Variants in CNBD1 observed in about 807,000 individuals in gnomAD.
The protein encoded by CNBD1 is cyclic nucleotide binding domain containing 1.
Under a neutral mutation model 54.4 loss-of-function variants are expected in CNBD1, and 71 were observed. That is an observed-to-expected ratio of 1.30 (90% CI 1.08 to 1.59). CNBD1 has a LOEUF of 1.59. Ranked by LOEUF, CNBD1 falls within the 40% of genes most tolerant of loss-of-function variation. CNBD1 has a pLI of 0.00. For missense variants in CNBD1, 659 were observed against 518.0 expected (o/e 1.27, Z -2.64); for synonymous variants, 182 against 170.7 (o/e 1.07, Z -0.51).
chr8:87,277,805 C>T (rs1808514217), intron 6 of CNBD1, among the ~76,000 whole-genome samples: 1 of 151,632 alleles, frequency 6.6e-6, no homozygotes, highest in Admixed American at 6.6e-5. Context: ...CAATGGTTTT[C>T]ATACACAACA....
chr8:86,938,440 C>T (rs537210972), intron 3 of CNBD1, among the ~76,000 whole-genome samples: 6 of 151,708 alleles, frequency 4.0e-5, no homozygotes, highest in South Asian at 4.1e-4. Flanking sequence ...TAAAGACATA[C>T]CCAAAACTGG....
chr8:87,372,630 A>G (rs887013427), intron 10 of CNBD1, among the ~76,000 whole-genome samples: 1 of 151,824 alleles, frequency 6.6e-6, no homozygotes, highest in African/African-American at 2.4e-5. Flanking sequence ...ATCTAGTAAT[A>G]GCTTTTTTGT....
chr8:87,413,555 T>C (rs1028274915), intron 2 of CNBD1, among the ~76,000 whole-genome samples: 1 of 152,086 alleles, frequency 6.6e-6, no homozygotes, highest in Non-Finnish European at 1.5e-5. Flanking sequence ...CTTTTTTGTT[T>C]GTTTGGTTTT....
chr8:87,003,792 A>G (rs892472781), intron 4 of CNBD1, among the ~76,000 whole-genome samples: 20 of 152,190 alleles, frequency 1.3e-4, no homozygotes, highest in African/African-American at 3.9e-4. Context: ...GGCTGTGGTA[A>G]CAGTGGGCTG....
At chr8:87,076,057 A>G (rs1455705040) in intron 4 of CNBD1, among the ~76,000 whole-genome samples, 1 of 152,216 alleles carries the variant, frequency 6.6e-6, no homozygotes, top group Non-Finnish European at 1.5e-5. Context: ...TTACATATGA[A>G]GCAATTTCAA....
chr8:87,074,967 AT>A (rs1810837990), intron 4 of CNBD1, among the ~76,000 whole-genome samples: 1 of 152,154 alleles, frequency 6.6e-6, no homozygotes, highest in Admixed American at 6.5e-5. Context: ...GGCTCTTTCA[AT>A]TATTTAATCT....
At chr8:87,427,736 T>A (rs1482138325) in intron 2 of CNBD1, among the ~76,000 whole-genome samples, 1 of 152,178 alleles carries the variant, frequency 6.6e-6, no homozygotes, top group Non-Finnish European at 1.5e-5. Context: ...AACTCTTCAT[T>A]ATGTCAGCAA....
chr8:87,313,474 A>G (rs1809312811), intron 8 of CNBD1, among the ~76,000 whole-genome samples: 1 of 152,016 alleles, frequency 6.6e-6, no homozygotes, highest in African/African-American at 2.4e-5. Flanking sequence ...AGACAGTTTC[A>G]AAGAGAAGAA....
chr8:87,001,020 T>G (rs1304469390), intron 4 of CNBD1, among the ~76,000 whole-genome samples: 1 of 152,132 alleles, frequency 6.6e-6, no homozygotes, highest in Non-Finnish European at 1.5e-5. Flanking sequence ...TGAATATTTT[T>G]CCTCTTCCAT....
In CNBD1 at chr8:87,129,216, T is replaced by C. The variant is rs1227277669; in HGVS notation, c.432-76777T>C. Among the ~76,000 whole-genome samples, 3 of 152,004 alleles carry C rather than the reference T, an allele frequency of 2.0e-5. No homozygotes were observed. In the East Asian group the frequency reaches 5.8e-4, roughly 29 times the overall value. ...TGAAAATATTCCCTCCTTTTCAATG[T>C]CCTGAAATAATTTTAGTAAAATTAA... is the stretch of plus-strand genomic sequence containing the variant. On this transcript the variant is annotated intron_variant, in intron 4 of 10. Coordinates refer to ENST00000518476, the MANE Select transcript of CNBD1 (RefSeq NM_173538.3).
intron 4 of CNBD1, among the ~76,000 whole-genome samples, chr8:87,091,100 ACTACACTCCAGCCT>A (rs1811194538): frequency 6.7e-6 from 1 of 148,650 alleles, no homozygotes; most frequent in Non-Finnish European, 1.5e-5. Flanking sequence ...AGGTAGTGCT[ACTACACTCCAGCCT>A]GGGTGACAGA....
At chr8:87,401,174 C>T (rs1807557200) in intron 2 of CNBD1, among the ~76,000 whole-genome samples, 1 of 151,800 alleles carries the variant, frequency 6.6e-6, no homozygotes, top group Non-Finnish European at 1.5e-5. Context: ...CCAAATAAAC[C>T]CAAAGCAAAT....
intron 6 of CNBD1, among the ~76,000 whole-genome samples, chr8:87,249,068 A>G (rs1337738632): frequency 1.3e-5 from 2 of 152,140 alleles, no homozygotes; most frequent in African/African-American, 4.8e-5. Context: ...GTCTGCAAGC[A>G]ATTGATTTAT....
At chr8:87,144,079 C>T (rs1812432167) in intron 4 of CNBD1, among the ~76,000 whole-genome samples, 1 of 152,086 alleles carries the variant, frequency 6.6e-6, no homozygotes, top group South Asian at 2.1e-4. Context: ...AAGGAAAGTG[C>T]ATATTTCAGT....
intron 5 of CNBD1, among the ~76,000 whole-genome samples, chr8:87,231,955 A>G (rs1313877362): frequency 6.6e-6 from 1 of 152,046 alleles, no homozygotes; most frequent in Non-Finnish European, 1.5e-5. Flanking sequence ...ATGGCTCTCT[A>G]TTTCTTTTTT....
intron 6 of CNBD1, among the ~76,000 whole-genome samples, chr8:87,239,380 T>A (rs114962009): frequency 0.015 from 2,294 of 152,300 alleles, 71 homozygotes; most frequent in African/African-American, 0.052. Context: ...TTTGCCTTTT[T>A]GTGTATTTAC....
intron 4 of CNBD1, among the ~76,000 whole-genome samples, chr8:87,178,463 G>A (rs981568758): frequency 6.6e-6 from 1 of 152,210 alleles, no homozygotes; most frequent in African/African-American, 2.4e-5. Context: ...CTTGGTATAT[G>A]AGAGGGATGG....
At chr8:87,005,846 G>T (rs1809087682) in intron 4 of CNBD1, among the ~76,000 whole-genome samples, 1 of 152,080 alleles carries the variant, frequency 6.6e-6, no homozygotes, top group Non-Finnish European at 1.5e-5. Context: ...GGAAGAGCCT[G>T]GGAGATGGGG....
intron 4 of CNBD1, among the ~76,000 whole-genome samples, chr8:86,996,535 A>G (rs1190738845): frequency 2.6e-5 from 4 of 152,214 alleles, no homozygotes; most frequent in East Asian, 1.9e-4. Flanking sequence ...GTACCTTACA[A>G]TATTATAGTA....
Sources: allele counts gnomAD v4.1 joint callset (sites outside exome capture counted in the v4.1 genomes callset), GRCh38; gene constraint gnomAD v4.1.1; transcripts MANE v1.5; gene names NCBI Gene and HGNC (gene_info 2026-07-23, HGNC 2026-07-21).